MRPS28: variants seen among roughly 807,000 people sequenced by gnomAD.
MRPS28 encodes mitochondrial ribosomal protein S28.
In MRPS28, 7 loss-of-function variants were observed where a neutral mutation model predicts 10.8. That is an observed-to-expected ratio of 0.65 (90% CI 0.37 to 1.22). The LOEUF is 1.22. Among genes scored for constraint, MRPS28 ranks in the 50% most tolerant of loss-of-function variants. MRPS28 has a pLI of 0.02. For missense variants in MRPS28, 265 were observed against 232.9 expected, an observed-to-expected ratio of 1.14 and a Z score of -0.90; for synonymous variants, 121 against 93.3, an observed-to-expected ratio of 1.30 and a Z score of -1.71.
intron 2 of MRPS28, among the ~76,000 whole-genome samples, chr8:79,976,488 T>G (rs2130060213): frequency 6.6e-6 from 1 of 152,234 alleles, no homozygotes; most frequent in Non-Finnish European, 1.5e-5. Flanking sequence ...ACGGATCTCT[T>G]AAGTCCAAGA....
chr8:80,027,193 G>C (rs1260226759), intron 1 of MRPS28, among the ~76,000 whole-genome samples: 1 of 152,204 alleles, frequency 6.6e-6, no homozygotes, highest in Non-Finnish European at 1.5e-5. Context: ...AGAAGAAACG[G>C]CTGGGGCCAC....
chr8:79,978,165 A>G (rs1318364372), intron 2 of MRPS28, among the ~76,000 whole-genome samples: 4 of 152,224 alleles, frequency 2.6e-5, no homozygotes. Flanking sequence ...GCTGAATTTA[A>G]GTGAACTTAA....
chr8:79,944,660 A>G (rs1286795662), intron 2 of MRPS28, among the ~76,000 whole-genome samples: 1 of 151,630 alleles, frequency 6.6e-6, no homozygotes, highest in Non-Finnish European at 1.5e-5. Flanking sequence ...AACACTGAAG[A>G]ATAATTCTAT....
At chr8:80,020,385 C>T (rs1280705860) in intron 1 of MRPS28, among the ~76,000 whole-genome samples, 1 of 152,136 alleles carries the variant, frequency 6.6e-6, no homozygotes, top group East Asian at 1.9e-4. Flanking sequence ...CTTTGGAACG[C>T]CCTTGGCTGA....
chr8:80,003,721 G>A lies in MRPS28; in HGVS notation c.214-541C>T, dbSNP rs146082780. 6.3e-3 allele frequency among the ~76,000 whole-genome samples: 961 copies of A among 152,254 alleles called. 9 individuals are homozygous for A. Among genetic ancestry groups the A allele is most frequent in the African/African-American group, 0.022 (897 of 41,556 alleles). On this transcript the variant is annotated intron_variant, in intron 1 of 2. Transcript: ENST00000276585. ...CACCCAGAAAACGCAAGGGGTCAGG[G>A]AATTCCCTTTCCTAGCCAAGGGAAG... is the stretch of plus-strand genomic sequence containing the variant.
chr8:79,928,767 C>G (rs911407588), intron 2 of MRPS28, among the ~76,000 whole-genome samples: 1 of 140,598 alleles, frequency 7.1e-6, no homozygotes, highest in Non-Finnish European at 1.6e-5. Flanking sequence ...ACACTACAGG[C>G]CAGGCATGGT....
At chr8:79,949,830 G>C (rs1345233429) in intron 2 of MRPS28, among the ~76,000 whole-genome samples, 1 of 152,170 alleles carries the variant, frequency 6.6e-6, no homozygotes, top group Non-Finnish European at 1.5e-5. Context: ...TATTGGATAT[G>C]ATTATAAAAT....
At chr8:79,939,841 G>T (rs1267622564) in intron 2 of MRPS28, among the ~76,000 whole-genome samples, 1 of 152,012 alleles carries the variant, frequency 6.6e-6, no homozygotes, top group Admixed American at 6.6e-5. Flanking sequence ...ATGGTGGCGG[G>T]CGCCTGTAGT....
Position 79,982,463 on chromosome 8 carries a change from T to C in MRPS28, c.395+20536A>G, listed in dbSNP as rs551594559. Among the ~76,000 whole-genome samples the C allele has an allele frequency of 1.9e-3, 292 of 152,008 alleles. 1 individual carries two copies. The highest frequency in any genetic ancestry group is 6.8e-3 in the African/African-American group (282 of 41,552). The stretch of plus-strand genomic sequence containing the variant: ...GCGTGAGCCGAAGCAGGGCGAGGCA[T>C]TGCCTCACTCGGGAAGCACAAGGGG... On this transcript the variant is annotated intron_variant, in intron 2 of 2. Transcript: ENST00000276585.
intron 2 of MRPS28, among the ~76,000 whole-genome samples, chr8:79,927,167 A>G (rs1350761167): frequency 6.6e-6 from 1 of 152,262 alleles, no homozygotes; most frequent in African/African-American, 2.4e-5. Context: ...TAAAGAGATT[A>G]ACAGGTATTT....
At chr8:79,975,496 G>A (rs1807771410) in intron 2 of MRPS28, among the ~76,000 whole-genome samples, 1 of 151,966 alleles carries the variant, frequency 6.6e-6, no homozygotes, top group African/African-American at 2.4e-5. Flanking sequence ...CAACAAACTG[G>A]AGTAAATTTT....
intron 2 of MRPS28, among the ~76,000 whole-genome samples, chr8:79,974,266 C>T (rs747603430): frequency 4.6e-5 from 7 of 151,982 alleles, no homozygotes; most frequent in African/African-American, 7.2e-5. Context: ...ACGAGGCCGG[C>T]GCGGTGGCTC....
chr8:79,925,396 C>G (rs768743172), intron 2 of MRPS28, among the ~76,000 whole-genome samples: 1 of 152,158 alleles, frequency 6.6e-6, no homozygotes, highest in Non-Finnish European at 1.5e-5. Flanking sequence ...CACATTTCCT[C>G]AAACTGCAAT....
intron 2 of MRPS28, among the ~76,000 whole-genome samples, chr8:79,952,138 TTC>T (rs1353794237): frequency 6.6e-6 from 1 of 152,188 alleles, no homozygotes; most frequent in Non-Finnish European, 1.5e-5. Flanking sequence ...CCAAGTAGAT[TTC>T]ATGTTTTACA....
intron 1 of MRPS28, among the ~76,000 whole-genome samples, chr8:80,004,870 G>A (rs28781396): frequency 0.016 from 2,375 of 152,296 alleles, 38 homozygotes; most frequent in African/African-American, 0.035. Context: ...TCGATCAACC[G>A]GAAGAAAGGG....
intron 2 of MRPS28, among the ~76,000 whole-genome samples, chr8:79,920,147 T>C (rs926298181): frequency 3.9e-5 from 6 of 152,154 alleles, no homozygotes; most frequent in East Asian, 1.9e-4. Context: ...TGCATAGTAT[T>C]CCATGGTGTA....
intron 2 of MRPS28, among the ~76,000 whole-genome samples, chr8:79,951,517 C>A (rs904254044): frequency 6.6e-6 from 1 of 152,140 alleles, no homozygotes; most frequent in Non-Finnish European, 1.5e-5. Context: ...ACTTCCCCAC[C>A]CCTACCTTGG....
chr8:79,947,319 C>T (rs141196656), intron 2 of MRPS28, among the ~76,000 whole-genome samples: 3 of 152,188 alleles, frequency 2.0e-5, no homozygotes, highest in Non-Finnish European at 4.4e-5. Context: ...CAATACCATA[C>T]TGTATTGTTA....
intron 1 of MRPS28, among the ~76,000 whole-genome samples, chr8:80,007,030 C>T (rs1808869125): frequency 6.6e-6 from 1 of 152,188 alleles, no homozygotes; most frequent in African/African-American, 2.4e-5. Context: ...CAATAAAATA[C>T]TGGCAAACCG....
Sources: gnomAD v4.1 joint callset for allele counts (sites outside exome capture counted in the v4.1 genomes callset) on GRCh38, gnomAD v4.1.1 for gene constraint, MANE v1.5 for transcripts, NCBI Gene and HGNC (gene_info 2026-07-23, HGNC 2026-07-21) for gene names.